PDE8B: variants seen among roughly 807,000 people sequenced by gnomAD.
The protein encoded by PDE8B is high affinity cAMP-specific and IBMX-insensitive 3',5'-cyclic phosphodiesterase 8B.
PDE8B carries 26 observed loss-of-function variants against 101.3 expected under a neutral mutation model. The ratio of observed to expected loss-of-function variants is 0.26; its 90% CI spans 0.19 to 0.36. PDE8B has a LOEUF of 0.36. PDE8B is among the 10% of genes least tolerant of loss of function. The pLI is 1.00. For synonymous variants in PDE8B, 424 were observed against 429.3 expected, an observed-to-expected ratio of 0.99 and a Z score of 0.15; for missense variants, 810 against 1,163.1, an observed-to-expected ratio of 0.70 and a Z score of 4.42.
the PDE8B span, chr5:77,180,584 C>T: frequency 9.4e-6 from 6 of 640,888 alleles, no homozygotes; most frequent in Admixed American, 6.3e-5. Context: ...TTCAGGGCCC[C>T]CTTTCAGACA....
chr5:77,302,854 C>T (rs568423049), intron 1 of PDE8B, among the ~76,000 whole-genome samples: 6 of 152,194 alleles, frequency 3.9e-5, no homozygotes, highest in South Asian at 2.1e-4. Context: ...GTGACCTTTA[C>T]GTGAGATGAT....
intron 20 of PDE8B, among the ~76,000 whole-genome samples, chr5:77,425,476 C>T (rs1331671813): frequency 6.6e-6 from 1 of 152,138 alleles, no homozygotes; most frequent in Admixed American, 6.5e-5. Flanking sequence ...TTGCTTGAAC[C>T]TGGGAGGCGG....
chr5:77,123,736 G>A, the PDE8B span, among the ~76,000 whole-genome samples: 1 of 152,208 alleles, frequency 6.6e-6, no homozygotes, highest in Admixed American at 6.5e-5. Flanking sequence ...TCCAGCCTGG[G>A]CAACGGTGAG....
At chr5:77,390,882 A>G (rs559318144) in intron 10 of PDE8B, among the ~76,000 whole-genome samples, 2 of 152,290 alleles carry the variant, frequency 1.3e-5, no homozygotes, top group Admixed American at 1.3e-4. Context: ...CAAGTTTCTT[A>G]ACCTCTTAAA....
At position 77,210,816 on chromosome 5, in the gene PDE8B, G is replaced by A. The variant is rs948281834; in HGVS notation, c.-110G>A. On this transcript the variant is annotated 5_prime_UTR_variant, in exon 1 of 22. Transcript: ENST00000264917. This position sits in a 1 kb window ranked among gnomAD's most constrained non-coding sequence, Gnocchi z 4.9. Reference sequence around the variant, plus strand: ...GCGGCGGACACACAGGCCGGGGGGCGCGCAGTCCGGGCGCCGCCGCGGCCG... The same window carrying A: ...GCGGCGGACACACAGGCCGGGGGGCACGCAGTCCGGGCGCCGCCGCGGCCG... The A allele has an allele frequency of 4.1e-6, 4 of 985,460 alleles. No homozygotes were observed. In the African/African-American group the frequency reaches 5.3e-5, roughly 13 times the overall value. 61.0% of individuals were successfully genotyped at this position (985,460 alleles called of 1,614,324 possible). A position where few individuals can be genotyped will look rare whatever the true frequency, so the allele number is the denominator to read the frequency against.
At chr5:77,174,768 C>A in the PDE8B span, among the ~76,000 whole-genome samples, 3 of 152,108 alleles carry the variant, frequency 2.0e-5, no homozygotes, top group Non-Finnish European at 4.4e-5. Flanking sequence ...TCTGATGGCA[C>A]CCTCCTCCCC....
intron 7 of PDE8B, among the ~76,000 whole-genome samples, chr5:77,348,012 A>G (rs1367810210): frequency 6.6e-6 from 1 of 152,080 alleles, no homozygotes; most frequent in Admixed American, 6.5e-5. Flanking sequence ...ATCCATGAAG[A>G]CAATATCAGG....
chr5:77,382,091 T>C (rs1208463176), intron 10 of PDE8B, among the ~76,000 whole-genome samples: 2 of 152,230 alleles, frequency 1.3e-5, no homozygotes, highest in Non-Finnish European at 2.9e-5. Context: ...CAGTTGAACA[T>C]ACAATTTTCC....
chr5:77,091,809 A>G, the PDE8B span, among the ~76,000 whole-genome samples: 1 of 152,196 alleles, frequency 6.6e-6, no homozygotes. Flanking sequence ...GAGTGTCTAA[A>G]AGAATCCATT....
chr5:77,365,044 G>A (rs911112898), intron 10 of PDE8B, among the ~76,000 whole-genome samples: 31 of 152,246 alleles, frequency 2.0e-4, no homozygotes, highest in Non-Finnish European at 3.2e-4. Flanking sequence ...GTCTGATGGC[G>A]GAAATCCCTA....
chr5:77,234,007 C>T (rs894914725), intron 1 of PDE8B, among the ~76,000 whole-genome samples: 7 of 151,956 alleles, frequency 4.6e-5, no homozygotes, highest in Admixed American at 2.6e-4. Flanking sequence ...TAAAAGAAGG[C>T]GCCTAGAGGT....
the PDE8B span, among the ~76,000 whole-genome samples, chr5:77,103,385 C>T: frequency 6.6e-6 from 1 of 152,202 alleles, no homozygotes; most frequent in African/African-American, 2.4e-5. Flanking sequence ...TGACTCAACA[C>T]GATGGGATAT....
At chr5:77,164,320 C>A in the PDE8B span, among the ~76,000 whole-genome samples, 1 of 152,102 alleles carries the variant, frequency 6.6e-6, no homozygotes, top group East Asian at 1.9e-4. Flanking sequence ...TGTGTTGTAC[C>A]TATCTCTTGG....
the PDE8B span, among the ~76,000 whole-genome samples, chr5:77,131,912 G>T: frequency 6.6e-6 from 1 of 152,148 alleles, no homozygotes; most frequent in Non-Finnish European, 1.5e-5. Flanking sequence ...AGGTAAATTT[G>T]CTTCTGTATC....
chr5:77,335,861 C>T (rs1300384079), intron 5 of PDE8B, among the ~76,000 whole-genome samples: 1 of 152,060 alleles, frequency 6.6e-6, no homozygotes, highest in African/African-American at 2.4e-5. Flanking sequence ...CCTTAAATCT[C>T]TTCCCTTACT....
the PDE8B span, among the ~76,000 whole-genome samples, chr5:77,136,804 G>T: frequency 6.6e-6 from 1 of 152,112 alleles, no homozygotes; most frequent in Admixed American, 6.5e-5. Flanking sequence ...TTTTACTCTG[G>T]ATTCTAACCC....
chr5:77,377,126 T>G (rs975911972), intron 10 of PDE8B, among the ~76,000 whole-genome samples: 1 of 152,230 alleles, frequency 6.6e-6, no homozygotes, highest in Non-Finnish European at 1.5e-5. Context: ...GTGTGCTGCT[T>G]GTGTTAGCCG....
At chr5:77,110,388 A>G in the PDE8B span, among the ~76,000 whole-genome samples, 3 of 152,202 alleles carry the variant, frequency 2.0e-5, no homozygotes, top group African/African-American at 7.2e-5. Context: ...CATTCATCAC[A>G]TGGAATCCAT....
At chr5:77,285,550 G>A (rs574199762) in intron 1 of PDE8B, among the ~76,000 whole-genome samples, 3 of 152,262 alleles carry the variant, frequency 2.0e-5, no homozygotes, top group African/African-American at 7.2e-5. Flanking sequence ...GCTTTCAGCA[G>A]ATTAATTACA....
Sources: allele counts gnomAD v4.1 joint callset (sites outside exome capture counted in the v4.1 genomes callset), GRCh38; gene constraint gnomAD v4.1.1; non-coding constraint Gnocchi (gnomAD v3.1); transcripts MANE v1.5; gene names NCBI Gene and HGNC (gene_info 2026-07-23, HGNC 2026-07-21).